Variants in MRPS35 observed in about 807,000 individuals in gnomAD.
The protein encoded by MRPS35 is small ribosomal subunit protein mS35.
A neutral mutation model predicts 32.7 loss-of-function variants in MRPS35; 29 were observed. The ratio of observed to expected loss-of-function variants is 0.89; its 90% confidence interval spans 0.66 to 1.21. MRPS35 has a LOEUF of 1.21. MRPS35 is among the 50% of genes most tolerant of loss of function. The pLI is 0.00. For missense variants in MRPS35, 373 were observed against 383.8 expected (o/e 0.97, Z 0.23); for synonymous variants, 148 against 139.3 (o/e 1.06, Z -0.44).
chr12:27,711,843 A>C (rs2061825997), intron 1 of MRPS35, among the ~76,000 whole-genome samples: 1 of 68,506 alleles, frequency 1.5e-5, no homozygotes, highest in South Asian at 4.5e-4. Flanking sequence ...AATCCTTCAT[A>C]CTGGCTCTTC....
chr12:27,726,413 T>A (rs1035254739), intron 5 of MRPS35, among the ~76,000 whole-genome samples: 1 of 152,130 alleles, frequency 6.6e-6, no homozygotes, highest in Non-Finnish European at 1.5e-5. Context: ...GACATTTGGG[T>A]TGTGTCTACT....
intron 6 of MRPS35, among the ~76,000 whole-genome samples, chr12:27,736,444 A>T (rs553094852): frequency 6.6e-6 from 1 of 152,016 alleles, no homozygotes; most frequent in Non-Finnish European, 1.5e-5. Context: ...ATGCAACTTT[A>T]AAAAATGCCT....
intron 5 of MRPS35, 88 bp downstream of exon 5, chr12:27,724,274 C>T: frequency 8.1e-7 from 1 of 1,238,060 alleles, no homozygotes; most frequent in South Asian, 2.0e-5. Context: ...CACAGTGGCT[C>T]ATGCCTGTAA....
At chr12:27,746,005 G>A (rs1406891258) in intron 7 of MRPS35, among the ~76,000 whole-genome samples, 1 of 152,146 alleles carries the variant, frequency 6.6e-6, no homozygotes, top group Non-Finnish European at 1.5e-5. Context: ...TTGCTATTGT[G>A]AATAGTGCCA....
At chr12:27,731,656 C>T (rs2061922513) in intron 5 of MRPS35, among the ~76,000 whole-genome samples, 1 of 152,136 alleles carries the variant, frequency 6.6e-6, no homozygotes, top group African/African-American at 2.4e-5. Context: ...GCAACCTCTG[C>T]CTCCATGGTT....
At chr12:27,749,440 CAAAG>C (rs2061993407) in intron 7 of MRPS35, among the ~76,000 whole-genome samples, 1 of 152,114 alleles carries the variant, frequency 6.6e-6, no homozygotes, top group Non-Finnish European at 1.5e-5. Flanking sequence ...GAGTCAGTGA[CAAAG>C]AAATAAAGAC....
intron 1 of MRPS35, 23 bp downstream of exon 1, chr12:27,710,978 C>G: frequency 6.9e-6 from 11 of 1,602,758 alleles, no homozygotes; most frequent in South Asian, 1.1e-5. Context: ...CTCGTCTTCT[C>G]TGGGCTTTGG....
At chr12:27,733,854 A>G (rs187763227) in intron 5 of MRPS35, among the ~76,000 whole-genome samples, 1 of 152,224 alleles carries the variant, frequency 6.6e-6, no homozygotes, top group Non-Finnish European at 1.5e-5. Context: ...CTCTACTTCA[A>G]ATACAAAATA....
In MRPS35 at chr12:27,755,503, C is replaced by A. The variant is rs2062023026; in HGVS notation, c.*53C>A. The A allele has an allele frequency of 4.3e-6, 6 of 1,409,400 alleles. No individual in the cohort carries two copies. The highest frequency in any genetic ancestry group is 2.4e-5 in the East Asian group (1 of 41,774). The allele number at this position is 1,409,400 out of a possible 1,614,324, so 87.3% of individuals were successfully genotyped here. On this transcript the variant is annotated 3_prime_UTR_variant, in exon 8 of 8. Transcript: ENST00000081029. ...TTATTAATTTTATGATATATGTGAT[C>A]AGTATCTAATTTGATATAAAATTGA...
intron 6 of MRPS35, among the ~76,000 whole-genome samples, chr12:27,736,962 G>A (rs1453509822): frequency 6.6e-6 from 1 of 152,180 alleles, no homozygotes; most frequent in African/African-American, 2.4e-5. Flanking sequence ...CTGAAGCCTT[G>A]AACTCCTGGG....
intron 7 of MRPS35, among the ~76,000 whole-genome samples, chr12:27,744,654 A>G (rs749707646): frequency 2.0e-5 from 3 of 152,212 alleles, no homozygotes; most frequent in Non-Finnish European, 2.9e-5. Flanking sequence ...TTTTTGCATA[A>G]ACTTACTGAT....
At chr12:27,755,149 A>G (rs760763198) in intron 7 of MRPS35, 32 bp from the exon 8 acceptor site, 1 of 1,492,994 alleles carries the variant, frequency 6.7e-7, no homozygotes, top group Non-Finnish European at 8.9e-7. Context: ...CAGAATTCAG[A>G]ACTCATTTTT....
At chr12:27,753,812 A>T (rs1565473073) in intron 7 of MRPS35, among the ~76,000 whole-genome samples, 1 of 152,186 alleles carries the variant, frequency 6.6e-6, no homozygotes, top group African/African-American at 2.4e-5. Context: ...TTACATCTCC[A>T]TTTAAATCAT....
Position 27,755,581 on chromosome 12 carries a change from C to A in MRPS35, c.*131C>A. The A allele has an allele frequency of 1.2e-6, 1 of 833,588 alleles. No individual in the cohort carries two copies. Among genetic ancestry groups the A allele is most frequent in the South Asian group, 2.5e-5 (1 of 39,878 alleles). The allele number at this position is 833,588 out of a possible 1,614,324, so 51.6% of individuals were successfully genotyped here. The stretch of plus-strand genomic sequence containing the variant: ...CAGAGTTAAAATTATTTCCCTCATA[C>A]TAATGCTTAATGGCAATGATTACTC... On this transcript the variant is annotated 3_prime_UTR_variant, in exon 8 of 8. Coordinates refer to ENST00000081029, the MANE Select transcript of MRPS35 (RefSeq NM_021821.4).
In MRPS35 at chr12:27,743,256, G is replaced by A. The variant is rs1210534561; in HGVS notation, c.702+5648G>A. Among the ~76,000 whole-genome samples the A allele has an allele frequency of 2.6e-5, 4 of 151,966 alleles. No homozygotes were observed. In the South Asian group the frequency reaches 6.2e-4, roughly 24 times the overall value. On this transcript the variant is annotated intron_variant, in intron 7 of 7. Coordinates refer to ENST00000081029, the MANE Select transcript of MRPS35 (RefSeq NM_021821.4). ...AAAATGGCAAATGTTGGCTGGGCAC[G>A]GTGGCTCACACCTGTAATCCTAGCA...
At chr12:27,714,651 A>T in intron 1 of MRPS35, 129 bp from the exon 2 acceptor site, 4 of 670,462 alleles carry the variant, frequency 6.0e-6, no homozygotes, top group Admixed American at 3.3e-5. Context: ...AAAAAAAAAA[A>T]GATTGTTTCA....
At chr12:27,716,092 A>G (rs1007484020) in intron 2 of MRPS35, among the ~76,000 whole-genome samples, 199 bp from the exon 3 acceptor site, 7 of 152,352 alleles carry the variant, frequency 4.6e-5, no homozygotes, top group African/African-American at 1.4e-4. Context: ...TTGAAGAAAC[A>G]GTGCAGAGAT....
intron 7 of MRPS35, among the ~76,000 whole-genome samples, chr12:27,738,253 A>G (rs980274293): frequency 4.6e-5 from 7 of 152,332 alleles, no homozygotes; most frequent in Admixed American, 4.6e-4. Flanking sequence ...CTTTATACAC[A>G]TAGCCTAAAG....
At chr12:27,730,005 T>C (rs2061915527) in intron 5 of MRPS35, among the ~76,000 whole-genome samples, 1 of 152,252 alleles carries the variant, frequency 6.6e-6, no homozygotes, top group African/African-American at 2.4e-5. Context: ...TATTTTAGAA[T>C]AGTTTTTAGT....
Sources: allele counts gnomAD v4.1 joint callset (sites outside exome capture counted in the v4.1 genomes callset), GRCh38; gene constraint gnomAD v4.1.1; transcripts MANE v1.5; gene names NCBI Gene and HGNC (gene_info 2026-07-23, HGNC 2026-07-21).